The following CACNA1D variants were observed in gnomAD, a reference collection of about 807,000 sequenced individuals.
CACNA1D encodes the protein voltage-dependent L-type calcium channel subunit alpha-1D.
In CACNA1D, 55 loss-of-function variants were observed where a neutral mutation model predicts 257.1. The ratio of observed to expected loss-of-function variants is 0.21; its 90% CI spans 0.17 to 0.27. CACNA1D has a LOEUF of 0.27. CACNA1D is among the 10% of genes least tolerant of loss of function. The pLI, the probability that CACNA1D is intolerant of heterozygous loss-of-function variation, is 1.00. For synonymous variants in CACNA1D, 980 were observed against 1,014.9 expected (o/e 0.97, Z 0.65); for missense variants, 1,876 against 2,784.0 (o/e 0.67, Z 7.34).
chr3:53,770,519 G>A lies in CACNA1D; in HGVS notation c.4011G>A (p.Arg1337=), dbSNP rs2095360641. ...VKLLSRGEGI[R]TLLWTFIKSF... is the part of the protein sequence containing the mutation. ...TTCTCAGCAGGGGGGAAGGCATCCG[G>A]ACATTGCTGTGGACTTTTATTAAGT... The change falls in exon 32 of 48, where the codon CGG becomes CGA. Residue 1337 remains arginine (R), a synonymous_variant. Transcript: ENST00000350061. The A allele has an allele frequency of 2.5e-6, 4 of 1,613,988 alleles. No homozygotes were observed. The African/African-American group carries it at 4.0e-5, about 16-fold the overall frequency.
At chr3:53,671,249 G>A (rs1650919783) in intron 7 of CACNA1D, among the ~76,000 whole-genome samples, 1 of 152,234 alleles carries the variant, frequency 6.6e-6, no homozygotes, top group Admixed American at 6.5e-5. Flanking sequence ...TGGTGAAGCA[G>A]ATGGCTCAGC....
At chr3:53,572,919 C>CT (rs527445256) in intron 3 of CACNA1D, among the ~76,000 whole-genome samples, 416 of 152,314 alleles carry the variant, frequency 2.7e-3, no homozygotes, top group Non-Finnish European at 4.9e-3. Context: ...CGTCCACAGG[C>CT]TGTGTGTGGT....
intron 37 of CACNA1D, among the ~76,000 whole-genome samples, chr3:53,777,927 T>G (rs1482419999): frequency 2.0e-5 from 3 of 152,236 alleles, no homozygotes. Context: ...TTCTAGAAAT[T>G]CATACAGTCT....
At chr3:53,753,925 T>G (rs1282941329) in intron 29 of CACNA1D, among the ~76,000 whole-genome samples, 1 of 152,250 alleles carries the variant, frequency 6.6e-6, no homozygotes. Context: ...AATTGGGAAT[T>G]TGTAAACTGC....
chr3:53,636,518 C>A (rs1183749784), intron 3 of CACNA1D, among the ~76,000 whole-genome samples: 1 of 152,164 alleles, frequency 6.6e-6, no homozygotes, highest in Non-Finnish European at 1.5e-5. Flanking sequence ...GTTGGCCAAG[C>A]TGGTCTCAAA....
intron 7 of CACNA1D, among the ~76,000 whole-genome samples, chr3:53,669,294 G>A (rs191198175): frequency 1.0e-3 from 156 of 152,374 alleles, no homozygotes; most frequent in South Asian, 2.7e-3. Flanking sequence ...GCCCAGCATG[G>A]TGCCTGGCAC....
intron 42 of CACNA1D, among the ~76,000 whole-genome samples, 185 bp from the exon 43 acceptor site, chr3:53,801,962 A>G (rs1404610824): frequency 6.6e-6 from 1 of 152,224 alleles, no homozygotes; most frequent in African/African-American, 2.4e-5. Context: ...TCAATCCTTT[A>G]TAACAATAAA....
intron 20 of CACNA1D, among the ~76,000 whole-genome samples, chr3:53,737,225 C>G (rs371978322): frequency 6.6e-6 from 1 of 152,026 alleles, no homozygotes; most frequent in Non-Finnish European, 1.5e-5. Context: ...GAGCTGAGAT[C>G]GCACCACTGC....
rs752623993 is a variant in CACNA1D, at chr3:53,497,197, G to C, written c.113G>C (p.Gly38Ala). ...RGTRLPLSGE[G>A]PTSQPNSSKQ... Reference sequence around the variant, plus strand: ...ACCAGACTTCCTCTTTCTGGTGAAGGACCAACTTCTCAGCCGAATAGCTCC... The same window carrying C: ...ACCAGACTTCCTCTTTCTGGTGAAGCACCAACTTCTCAGCCGAATAGCTCC... The change falls in exon 2 of 48, where the codon GGA becomes GCA. Residue 38 changes from glycine to alanine, a missense_variant. Coordinates refer to ENST00000350061, the MANE Select transcript of CACNA1D (RefSeq NM_001128840.3). 6.2e-7 allele frequency: 1 copy of C among 1,614,066 alleles called. No individual in the cohort carries two copies. The highest frequency in any genetic ancestry group is 8.5e-7 in the Non-Finnish European group (1 of 1,180,022).
At chr3:53,695,221 G>T (rs1195902683) in intron 8 of CACNA1D, among the ~76,000 whole-genome samples, 2 of 152,160 alleles carry the variant, frequency 1.3e-5, no homozygotes, top group Non-Finnish European at 2.9e-5. Context: ...CAGCTGAAAG[G>T]TCTTTAGAAC....
intron 30 of CACNA1D, among the ~76,000 whole-genome samples, chr3:53,769,123 G>A (rs961647307): frequency 6.6e-6 from 1 of 152,250 alleles, no homozygotes; most frequent in African/African-American, 2.4e-5. Context: ...CTCAGGTAGT[G>A]CTAGGCACCA....
intron 30 of CACNA1D, among the ~76,000 whole-genome samples, chr3:53,768,139 G>A (rs1005977698): frequency 1.3e-5 from 2 of 152,232 alleles, no homozygotes; most frequent in African/African-American, 4.8e-5. Flanking sequence ...GAAGGGGGCC[G>A]TGGATGGCGT....
intron 3 of CACNA1D, among the ~76,000 whole-genome samples, chr3:53,536,401 T>C (rs979462318): frequency 6.6e-6 from 1 of 152,242 alleles, no homozygotes; most frequent in Non-Finnish European, 1.5e-5. Context: ...ATGAAGTAAT[T>C]GTAAACAGCC....
At chr3:53,805,806 A>C (rs1576732496) in intron 45 of CACNA1D, among the ~76,000 whole-genome samples, 6 of 76,342 alleles carry the variant, frequency 7.9e-5, no homozygotes, top group African/African-American at 1.1e-4. Context: ...CTCCTCCTCT[A>C]TCTTCCCTCC....
At chr3:53,750,697 T>A (rs770625757) in intron 27 of CACNA1D, among the ~76,000 whole-genome samples, 19 of 152,192 alleles carry the variant, frequency 1.2e-4, no homozygotes, top group Non-Finnish European at 2.6e-4. Flanking sequence ...TGAAAGTGTG[T>A]CAGCCTCTGA....
intron 3 of CACNA1D, among the ~76,000 whole-genome samples, chr3:53,517,290 C>A (rs2091378670): frequency 6.6e-6 from 1 of 152,120 alleles, no homozygotes; most frequent in South Asian, 2.1e-4. Flanking sequence ...AGTGCCACAT[C>A]TGGGACCTAC....
At chr3:53,792,462 A>T (rs1238649298) in intron 40 of CACNA1D, 2 of 152,202 alleles carry the variant, frequency 1.3e-5, no homozygotes, top group Non-Finnish European at 2.9e-5. Flanking sequence ...TAGAGAAAAG[A>T]AGGGCTTATG....
rs2094901191 is a variant in CACNA1D, at chr3:53,723,371, G to A, written c.1667-63G>A. ...GCCTGATAGGGAGGGAGGTGTGAGG[G>A]GCACGAGCAGTCTGAGTGTCTTGCA... On this transcript the variant is annotated intron_variant, in intron 12 of 47. Transcript: ENST00000350061. This position sits in a 1 kb window ranked among gnomAD's most constrained non-coding sequence, Gnocchi z 5.6. 1.0e-5 allele frequency: 12 copies of A among 1,193,752 alleles called. No individual in the cohort carries two copies. The highest frequency in any genetic ancestry group is 1.5e-5 in the Non-Finnish European group (12 of 796,612). 73.9% of individuals were successfully genotyped at this position (1,193,752 alleles called of 1,614,324 possible). A position where few individuals can be genotyped will look rare whatever the true frequency, so the allele number is the denominator to read the frequency against.
rs755107643 is a variant in CACNA1D at position 53,706,391 on chromosome 3, G to A, written c.1390+3581G>A. On this transcript the variant is annotated intron_variant, in intron 9 of 47. Coordinates refer to ENST00000350061, the MANE Select transcript of CACNA1D (RefSeq NM_001128840.3). Reference sequence around the variant, plus strand: ...GAGGGCATCTTGATGCCCCTTCTCCGGATGTGGCTGCAATGGAGTTTTGTG... The same window carrying A: ...GAGGGCATCTTGATGCCCCTTCTCCAGATGTGGCTGCAATGGAGTTTTGTG... Among the ~76,000 whole-genome samples the A allele has an allele frequency of 3.3e-5, 5 of 152,298 alleles. No individual in the cohort carries two copies. In the East Asian group the frequency reaches 9.6e-4, roughly 29 times the overall value.
Sources: allele counts gnomAD v4.1 joint callset (sites outside exome capture counted in the v4.1 genomes callset), GRCh38; gene constraint gnomAD v4.1.1; non-coding constraint Gnocchi (gnomAD v3.1); transcripts MANE v1.5; gene names NCBI Gene and HGNC (gene_info 2026-07-23, HGNC 2026-07-21).